TSPAN18: variants seen among roughly 807,000 people sequenced by gnomAD.
The protein encoded by TSPAN18 is tetraspanin-18.
Under a neutral mutation model 27.3 loss-of-function variants are expected in TSPAN18, and 14 were observed. That is an observed-to-expected ratio of 0.51 (90% CI 0.34 to 0.80). TSPAN18 has a LOEUF of 0.80. Ranked by LOEUF, TSPAN18 falls within the 30% of genes least tolerant of loss-of-function variation. The pLI is 0.01. For synonymous variants in TSPAN18, 143 were observed against 136.5 expected, an observed-to-expected ratio of 1.05 and a Z score of -0.33; for missense variants, 268 against 323.9, an observed-to-expected ratio of 0.83 and a Z score of 1.32.
intron 3 of TSPAN18, among the ~76,000 whole-genome samples, chr11:44,883,449 CG>C (rs1858551138): frequency 6.6e-6 from 1 of 152,190 alleles, no homozygotes; most frequent in African/African-American, 2.4e-5. Context: ...GCTTCTTTTC[CG>C]TGTTTCATGC....
At chr11:44,747,351 C>T (rs1291791249) in intron 1 of TSPAN18, among the ~76,000 whole-genome samples, 1 of 152,214 alleles carries the variant, frequency 6.6e-6, no homozygotes, top group Non-Finnish European at 1.5e-5. Context: ...TCCCAGATAT[C>T]CCTTGGGCAG....
chr11:44,851,037 A>G (rs1320952262), intron 2 of TSPAN18, among the ~76,000 whole-genome samples: 7 of 152,250 alleles, frequency 4.6e-5, no homozygotes, highest in African/African-American at 1.4e-4. Flanking sequence ...GGCTGTGGCT[A>G]GAACAACGGT....
chr11:44,851,214 C>T (rs1432542257), intron 2 of TSPAN18, among the ~76,000 whole-genome samples: 1 of 152,174 alleles, frequency 6.6e-6, no homozygotes, highest in Non-Finnish European at 1.5e-5. Flanking sequence ...AGTGGGCCAG[C>T]GGGGAATCTC....
At chr11:44,822,856 C>T (rs1341103251) in intron 2 of TSPAN18, among the ~76,000 whole-genome samples, 3 of 152,174 alleles carry the variant, frequency 2.0e-5, no homozygotes, top group African/African-American at 7.2e-5. Flanking sequence ...ATAAGTCCTG[C>T]TAAACCAAGT....
intron 2 of TSPAN18, among the ~76,000 whole-genome samples, chr11:44,858,134 G>C (rs969660038): frequency 6.6e-6 from 1 of 152,168 alleles, no homozygotes; most frequent in African/African-American, 2.4e-5. Context: ...GTGGACATAC[G>C]TAAAGCACTG....
intron 8 of TSPAN18, among the ~76,000 whole-genome samples, chr11:44,925,020 C>G (rs1478003613): frequency 6.6e-6 from 1 of 152,246 alleles, no homozygotes; most frequent in Non-Finnish European, 1.5e-5. Flanking sequence ...CACTGATGTC[C>G]TGGCCTGGCC....
chr11:44,862,758 A>G (rs1857931953), intron 3 of TSPAN18, among the ~76,000 whole-genome samples: 1 of 152,184 alleles, frequency 6.6e-6, no homozygotes, highest in African/African-American at 2.4e-5. Context: ...CTTGGTAGAT[A>G]TGTCGGTCAG....
chr11:44,733,523 T>A (rs1854714512), intron 1 of TSPAN18, among the ~76,000 whole-genome samples: 1 of 152,244 alleles, frequency 6.6e-6, no homozygotes, highest in Non-Finnish European at 1.5e-5. Flanking sequence ...TTTTCCAGCA[T>A]GTCTCCCAGG....
chr11:44,816,128 T>C (rs908251907), intron 2 of TSPAN18, among the ~76,000 whole-genome samples: 1 of 151,220 alleles, frequency 6.6e-6, no homozygotes, highest in African/African-American at 2.4e-5. Flanking sequence ...GGAGAAGGGA[T>C]GATAAATCAC....
intron 4 of TSPAN18, among the ~76,000 whole-genome samples, chr11:44,908,252 G>A (rs1159600512): frequency 6.6e-6 from 1 of 152,056 alleles, no homozygotes; most frequent in African/African-American, 2.4e-5. Context: ...TTGCAGTCCT[G>A]CTCAGCCAAG....
At position 44,730,649 on chromosome 11, in the gene TSPAN18, A is replaced by G. The variant is rs988158677; in HGVS notation, c.-240+3362A>G. 8.7e-5 allele frequency among the ~76,000 whole-genome samples: 13 copies of G among 149,186 alleles called. 1 individual carries two copies. The highest frequency in any genetic ancestry group is 4.0e-4 in the Admixed American group (6 of 15,040). The stretch of plus-strand genomic sequence containing the variant: ...CTTTTTTTTTTTTTTTTTGAGAGAC[A>G]GTCTTGCTCTGTCGCCCAGGCTGGA... On this transcript the variant is annotated intron_variant, in intron 1 of 9. Coordinates refer to ENST00000520358, the MANE Select transcript of TSPAN18 (RefSeq NM_130783.5).
chr11:44,821,628 A>G (rs1856930497), intron 2 of TSPAN18, among the ~76,000 whole-genome samples: 1 of 152,170 alleles, frequency 6.6e-6, no homozygotes, highest in Non-Finnish European at 1.5e-5. Context: ...TCTGAGCCTG[A>G]GTTTTCTCAT....
chr11:44,894,084 C>T (rs919428394), intron 3 of TSPAN18, among the ~76,000 whole-genome samples: 3 of 152,198 alleles, frequency 2.0e-5, no homozygotes, highest in African/African-American at 7.2e-5. Flanking sequence ...GCTGTTGGTG[C>T]CGGGAGCGCA....
chr11:44,743,023 G>A (rs7125418), intron 1 of TSPAN18, among the ~76,000 whole-genome samples: 27,601 of 152,146 alleles, frequency 0.18, 2,705 homozygotes, highest in Middle Eastern at 0.25. Context: ...ATACATGGAG[G>A]CTTCTTAGGA....
intron 3 of TSPAN18, among the ~76,000 whole-genome samples, chr11:44,868,735 T>C (rs1026811837): frequency 6.6e-6 from 1 of 152,086 alleles, no homozygotes; most frequent in African/African-American, 2.4e-5. Context: ...TCCTGAGTCC[T>C]TGGGGCGGGC....
chr11:44,838,848 C>G (rs944084008), intron 2 of TSPAN18, among the ~76,000 whole-genome samples: 1 of 152,228 alleles, frequency 6.6e-6, no homozygotes, highest in African/African-American at 2.4e-5. Context: ...TTTTTAGCCA[C>G]TAACTTTGTG....
At chr11:44,924,545 G>A (rs1860274652) in intron 8 of TSPAN18, among the ~76,000 whole-genome samples, 1 of 152,166 alleles carries the variant, frequency 6.6e-6, no homozygotes, top group Non-Finnish European at 1.5e-5. Context: ...TGTGTGTGTT[G>A]GGGCTGCAGG....
chr11:44,807,192 T>TAAAAAA (rs1046665098), intron 2 of TSPAN18, among the ~76,000 whole-genome samples: 4 of 67,332 alleles, frequency 5.9e-5, no homozygotes, highest in African/African-American at 1.6e-4. Flanking sequence ...CCCTGTCTCT[T>TAAAAAA]AAAAAAAAAA....
chr11:44,737,406 A>G (rs1854822791), intron 1 of TSPAN18, among the ~76,000 whole-genome samples: 1 of 152,108 alleles, frequency 6.6e-6, no homozygotes, highest in Admixed American at 6.5e-5. Context: ...TGACGCAGCC[A>G]CCAGAGGCAC....
Sources: allele counts gnomAD v4.1 joint callset (sites outside exome capture counted in the v4.1 genomes callset), GRCh38; gene constraint gnomAD v4.1.1; transcripts MANE v1.5; gene names NCBI Gene and HGNC (gene_info 2026-07-23, HGNC 2026-07-21).